Variants in MAD1L1 observed in about 807,000 individuals in gnomAD.
The protein encoded by MAD1L1 is mitotic arrest deficient 1 like 1.
MAD1L1 carries 95 observed loss-of-function variants against 96.9 expected under a neutral mutation model. The ratio of observed to expected loss-of-function variants is 0.98; its 90% CI spans 0.83 to 1.16. MAD1L1 has a LOEUF of 1.16. MAD1L1 is among the 50% of genes most tolerant of loss of function. The pLI, the probability that MAD1L1 is intolerant of heterozygous loss-of-function variation, is 0.00. For synonymous variants in MAD1L1, 473 were observed against 396.6 expected (o/e 1.19, Z -2.29); for missense variants, 1,007 against 954.4 (o/e 1.06, Z -0.73).
In MAD1L1 at chr7:2,004,864, C is replaced by G. The variant is rs188390265; in HGVS notation, c.1360-2743G>C. Reference sequence around the variant, plus strand: ...CCATCGATGGCTGGAAAAAACAGAACGCATGCATCTGAAATCCTCACATGA... The same window carrying G: ...CCATCGATGGCTGGAAAAAACAGAAGGCATGCATCTGAAATCCTCACATGA... On this transcript the variant is annotated intron_variant, in intron 13 of 18. Coordinates refer to ENST00000265854, the MANE Select transcript of MAD1L1 (RefSeq NM_001013836.2). 7.2e-5 allele frequency among the ~76,000 whole-genome samples: 11 copies of G among 152,240 alleles called. No homozygotes were observed. In the East Asian group the frequency reaches 2.1e-3, roughly 29 times the overall value.
intron 7 of MAD1L1, among the ~76,000 whole-genome samples, chr7:2,217,218 A>G (rs1221774277): frequency 6.6e-6 from 1 of 152,368 alleles, no homozygotes; most frequent in East Asian, 1.9e-4. Context: ...GGACACAGAC[A>G]GCTGGCATCT....
intron 11 of MAD1L1, among the ~76,000 whole-genome samples, chr7:2,109,100 G>A (rs1007080673): frequency 1.3e-5 from 2 of 152,152 alleles, no homozygotes; most frequent in Non-Finnish European, 2.9e-5. Flanking sequence ...TGGGTCCTCC[G>A]CACCCACTTC....
At chr7:1,949,817 G>T (rs1014803808) in intron 16 of MAD1L1, among the ~76,000 whole-genome samples, 1 of 152,234 alleles carries the variant, frequency 6.6e-6, no homozygotes, top group South Asian at 2.1e-4. Context: ...CACCCCGTGC[G>T]GGGCACTTGC....
chr7:1,823,738 C>A (rs753097511), intron 18 of MAD1L1, among the ~76,000 whole-genome samples: 28 of 152,218 alleles, frequency 1.8e-4, no homozygotes, highest in African/African-American at 6.0e-4. Context: ...CTCAGACACA[C>A]CCCTGCTCCC....
At chr7:1,868,209 A>G (rs1784871796) in intron 18 of MAD1L1, among the ~76,000 whole-genome samples, 1 of 151,976 alleles carries the variant, frequency 6.6e-6, no homozygotes, top group African/African-American at 2.4e-5. Context: ...TGGCCAAGAT[A>G]ACCTTGAGGC....
rs550898570 is a variant in MAD1L1, at chr7:2,021,748, G to C, written c.1219-7106C>G. On this transcript the variant is annotated intron_variant, in intron 12 of 18. Transcript: ENST00000265854. ...CCACTGCACTCCAGCCTGGGCAACA[G>C]AGTGAGACTCTGTCTCAAACAAACA... Among the ~76,000 whole-genome samples the C allele has an allele frequency of 2.0e-4, 31 of 151,772 alleles. No individual in the cohort carries two copies. The South Asian group carries it at 6.1e-3, about 30-fold the overall frequency.
chr7:1,897,105 C>T (rs778023097), intron 18 of MAD1L1, among the ~76,000 whole-genome samples: 2 of 151,310 alleles, frequency 1.3e-5, no homozygotes, highest in Non-Finnish European at 2.9e-5. Flanking sequence ...ACGGTGCCCC[C>T]GTGCAGCGCA....
At chr7:2,012,261 C>G (rs554846320) in intron 13 of MAD1L1, among the ~76,000 whole-genome samples, 1 of 152,346 alleles carries the variant, frequency 6.6e-6, no homozygotes, top group East Asian at 1.9e-4. Flanking sequence ...CACCAGAACC[C>G]AGGACTCTGG....
At chr7:2,229,011 G>C (rs957894393) in intron 3 of MAD1L1, among the ~76,000 whole-genome samples, 1 of 152,158 alleles carries the variant, frequency 6.6e-6, no homozygotes, top group Non-Finnish European at 1.5e-5. Context: ...GGGATTACAG[G>C]CCTGAGCCAC....
chr7:1,999,479 G>C (rs1045513459), intron 14 of MAD1L1, among the ~76,000 whole-genome samples: 2 of 152,138 alleles, frequency 1.3e-5, no homozygotes, highest in Non-Finnish European at 2.9e-5. Context: ...CTGCTGGGAA[G>C]CACCTGAGCG....
chr7:2,045,735 G>C (rs1783890548), intron 12 of MAD1L1, among the ~76,000 whole-genome samples: 1 of 152,096 alleles, frequency 6.6e-6, no homozygotes, highest in African/African-American at 2.4e-5. Context: ...AAGGAGAGTG[G>C]GGTGGGGGAG....
chr7:1,913,501 C>T (rs961734088), intron 17 of MAD1L1, among the ~76,000 whole-genome samples: 18 of 152,092 alleles, frequency 1.2e-4, no homozygotes, highest in Admixed American at 7.8e-4. Context: ...GGAGCTGTAG[C>T]GGCAGCCAGG....
intron 18 of MAD1L1, among the ~76,000 whole-genome samples, chr7:1,818,983 G>A (rs1192057254): frequency 4.6e-5 from 7 of 152,134 alleles, no homozygotes; most frequent in South Asian, 2.1e-4. Context: ...TCGACCTGCT[G>A]TGCAGCCCAC....
In MAD1L1 at chr7:1,816,151, C is replaced by G; in HGVS notation, c.2076G>C (p.Val692=). 6.2e-7 allele frequency: 1 copy of G among 1,613,356 alleles called. No individual in the cohort carries two copies. The highest frequency in any genetic ancestry group is 8.5e-7 in the Non-Finnish European group (1 of 1,179,896). ...FSHTVGELIE[V]HLRRQDSIPA... ...GGATGCTGTCCTGGCGCCGCAGGTG[C>G]ACCTCGATGAGCTCGCCCACGGTGT... The change falls in exon 19 of 19, where the codon GTG becomes GTC. Residue 692 remains valine, a synonymous_variant. Transcript: ENST00000265854.
rs116811103 is a variant in MAD1L1, at chr7:2,117,746, G to A, written c.1073+31406C>T. ...AAACCTTTTTCCTTTATAAATCACC[G>A]AGTCTCGGGTATGTCTTCACTAGCA... On this transcript the variant is annotated intron_variant, in intron 11 of 18. Transcript: ENST00000265854. Among the ~76,000 whole-genome samples, 447 of 152,238 alleles carry A rather than the reference G, an allele frequency of 2.9e-3. 1 individual carries two copies. Among genetic ancestry groups the A allele is most frequent in the African/African-American group, 9.6e-3 (397 of 41,522 alleles).
At chr7:1,900,007 C>T (rs1040507177) in intron 17 of MAD1L1, among the ~76,000 whole-genome samples, 2 of 152,222 alleles carry the variant, frequency 1.3e-5, no homozygotes, top group Non-Finnish European at 1.5e-5. Context: ...GCCTGCAACA[C>T]GGACACAGGC....
intron 12 of MAD1L1, among the ~76,000 whole-genome samples, chr7:2,022,837 C>T (rs915005218): frequency 6.6e-6 from 1 of 152,096 alleles, no homozygotes; most frequent in Admixed American, 6.5e-5. Flanking sequence ...TATAAACACA[C>T]TTTGAAAGGA....
chr7:2,151,646 G>T (rs918329173), intron 10 of MAD1L1, among the ~76,000 whole-genome samples: 1 of 152,278 alleles, frequency 6.6e-6, no homozygotes, highest in East Asian at 1.9e-4. Context: ...AGCAAAGCTG[G>T]GAGCTGGGGT....
chr7:1,931,277 G>A (rs1031352164), intron 17 of MAD1L1, among the ~76,000 whole-genome samples: 31 of 151,082 alleles, frequency 2.1e-4, no homozygotes, highest in African/African-American at 2.4e-4. Flanking sequence ...AGGGCGCGTC[G>A]TGGGGTCCAC....
Sources: gnomAD v4.1 joint callset for allele counts (sites outside exome capture counted in the v4.1 genomes callset) on GRCh38, gnomAD v4.1.1 for gene constraint, MANE v1.5 for transcripts, NCBI Gene and HGNC (gene_info 2026-07-23, HGNC 2026-07-21) for gene names.